Variants in MPV17 observed in about 807,000 individuals in gnomAD.
MPV17 encodes the protein mitochondrial inner membrane protein MPV17, also known as MPV17, mitochondrial inner membrane protein.
In MPV17, 31 loss-of-function variants were observed where a neutral mutation model predicts 28.6. The ratio of observed to expected loss-of-function variants is 1.08; its 90% CI spans 0.81 to 1.46. MPV17 has a LOEUF of 1.46. Among genes scored for constraint, MPV17 ranks in the 40% most tolerant of loss-of-function variants. The pLI is 0.00. For missense variants in MPV17, 198 were observed against 216.2 expected (o/e 0.92, Z 0.53); for synonymous variants, 87 against 85.3 (o/e 1.02, Z -0.11).
In MPV17 at chr2:27,309,616, G is replaced by A; in HGVS notation, c.*296C>T. The A allele has an allele frequency of 1.7e-6, 1 of 590,970 alleles. No homozygotes were observed. The highest frequency in any genetic ancestry group is 2.0e-5 in the South Asian group (1 of 49,662). The allele number at this position is 590,970 out of a possible 1,614,324, so 36.6% of individuals were successfully genotyped here. A position where few individuals can be genotyped will look rare whatever the true frequency, so the allele number is the denominator to read the frequency against. On this transcript the variant is annotated 3_prime_UTR_variant, in exon 8 of 8. Coordinates refer to ENST00000380044, the MANE Select transcript of MPV17 (RefSeq NM_002437.5). ...AGAGTAACAAATGTGTCTATGAAGAGTGGGGATGAGTGGCATTTGCTGGGA... is the reference window on the plus strand; with the variant it reads ...AGAGTAACAAATGTGTCTATGAAGAATGGGGATGAGTGGCATTTGCTGGGA...
chr2:27,322,692 C>T (rs1679903666), intron 1 of MPV17, 170 bp from the exon 2 acceptor site: 2 of 627,694 alleles, frequency 3.2e-6, no homozygotes, highest in African/African-American at 1.8e-5. Context: ...TCGCAGGAGT[C>T]GCCTTAGACA....
intron 2 of MPV17, among the ~76,000 whole-genome samples, chr2:27,319,010 C>A (rs1679759790): frequency 1.3e-5 from 2 of 152,132 alleles, no homozygotes; most frequent in Non-Finnish European, 2.9e-5. Context: ...GGTGATCCGC[C>A]CACCTCAGCC....
chr2:27,312,955 T>C, intron 3 of MPV17, 39 bp downstream of exon 3: 1 of 1,607,546 alleles, frequency 6.2e-7, no homozygotes, highest in Non-Finnish European at 8.5e-7. Flanking sequence ...CTAAGACCAC[T>C]GTTGAGTCCA....
Position 27,312,549 on chromosome 2 carries a change from A to G in MPV17, c.320T>C (p.Leu107Pro). The change falls in exon 5 of 8, where the codon CTG becomes CCG. Residue 107 changes from leucine to proline, a missense_variant. Coordinates refer to ENST00000380044, the MANE Select transcript of MPV17 (RefSeq NM_002437.5). ...TGACAGTCCATTAAGTGCCCCTACC[A>G]GTGGGAGAAAGCAGCCTAGAAAACA... is the stretch of plus-strand genomic sequence containing the variant. ...APCFLGCFLP[L>P]VGALNGLSAQ... 6.2e-7 allele frequency: 1 copy of G among 1,614,176 alleles called. No homozygotes were observed. Among genetic ancestry groups the G allele is most frequent in the Non-Finnish European group, 8.5e-7 (1 of 1,179,994 alleles).
chr2:27,313,697 T>G (rs371276514), intron 2 of MPV17, among the ~76,000 whole-genome samples: 47 of 152,160 alleles, frequency 3.1e-4, no homozygotes, highest in African/African-American at 9.4e-4. Context: ...GGATCTCTAT[T>G]TGTAGAGAAC....
rs936299391 is a variant in MPV17 at position 27,322,497 on chromosome 2, G to A, written c.21C>T (p.Tyr7=). MALWRA[Y]QRALAAHPWK... is the part of the protein sequence containing the mutation. The stretch of plus-strand genomic sequence containing the variant: ...ACGGGTGAGCGGCCAGGGCCCGCTG[G>A]TATGCCCGCCAGAGTGCCATGCTTC... Residue 7 remains tyrosine (Y), a synonymous_variant, in exon 2 of 8, where the codon TAC becomes TAT. Coordinates refer to ENST00000380044, the MANE Select transcript of MPV17 (RefSeq NM_002437.5). The A allele has an allele frequency of 1.9e-6, 3 of 1,613,946 alleles. No homozygotes were observed. Among genetic ancestry groups the A allele is most frequent in the Admixed American group, 1.7e-5 (1 of 60,012 alleles).
Position 27,309,684 on chromosome 2 carries a change from T to C in MPV17, c.*228A>G. The C allele has an allele frequency of 3.2e-6, 2 of 623,686 alleles. No homozygotes were observed. The highest frequency in any genetic ancestry group is 5.8e-6 in the Non-Finnish European group (2 of 343,592). 38.6% of individuals were successfully genotyped at this position (623,686 alleles called of 1,614,324 possible). Reference sequence around the variant, plus strand: ...TAAGGTCATGAAGGTTCAACAGATATTTATGGAGTGCCTAGTATGTGGTGG... The same window carrying C: ...TAAGGTCATGAAGGTTCAACAGATACTTATGGAGTGCCTAGTATGTGGTGG... On this transcript the variant is annotated 3_prime_UTR_variant, in exon 8 of 8. Coordinates refer to ENST00000380044, the MANE Select transcript of MPV17 (RefSeq NM_002437.5).
At chr2:27,319,906 A>G (rs1679791667) in intron 2 of MPV17, among the ~76,000 whole-genome samples, 1 of 150,344 alleles carries the variant, frequency 6.7e-6, no homozygotes, top group Non-Finnish European at 1.5e-5. Flanking sequence ...AGCCTGGGTA[A>G]CAGGGTGACA....
intron 7 of MPV17, chr2:27,311,575 TCTAAC>T: frequency 6.5e-7 from 1 of 1,550,318 alleles, no homozygotes; most frequent in Non-Finnish European, 8.7e-7. Context: ...TACCTCTCTG[TCTAAC>T]CTAGGCTGCA....
chr2:27,309,544 C>T lies in MPV17; in HGVS notation c.*368G>A. 1 of 482,726 alleles carries T rather than the reference C, an allele frequency of 2.1e-6. No individual in the cohort carries two copies. The highest frequency in any genetic ancestry group is 3.7e-6 in the Non-Finnish European group (1 of 268,622). The allele number at this position is 482,726 out of a possible 1,614,324, so 29.9% of individuals were successfully genotyped here. A position where few individuals can be genotyped will look rare whatever the true frequency, so the allele number is the denominator to read the frequency against. On this transcript the variant is annotated 3_prime_UTR_variant, in exon 8 of 8. Transcript: ENST00000380044. ...TTACTGAGGCACCATATAAAGGGTT[C>T]CGGGAGTCTCTAAAGAGCTGGAGCT...
In MPV17 at chr2:27,312,871, G is replaced by A. The variant is rs2148216106; in HGVS notation, c.187-99C>T. 2.6e-6 allele frequency: 4 copies of A among 1,531,668 alleles called. No homozygotes were observed. The East Asian group carries it at 9.0e-5, about 34-fold the overall frequency. The allele number at this position is 1,531,668 out of a possible 1,614,324, so 94.9% of individuals were successfully genotyped here. A position where few individuals can be genotyped will look rare whatever the true frequency, so the allele number is the denominator to read the frequency against. On this transcript the variant is annotated intron_variant, in intron 3 of 7. Coordinates refer to ENST00000380044, the MANE Select transcript of MPV17 (RefSeq NM_002437.5). The stretch of plus-strand genomic sequence containing the variant: ...CCCAAGTATCAGAATAGGGGAAGTG[G>A]ACACTAAGAAAAAAGAGGGCGGCAG...
chr2:27,322,559 T>C (rs1679900242), intron 1 of MPV17, 37 bp from the exon 2 acceptor site: 3 of 1,571,494 alleles, frequency 1.9e-6, no homozygotes, highest in Non-Finnish European at 8.8e-7. Context: ...ACCCCCACCG[T>C]CCCTCTCCAC....
rs1037850256 is a variant in MPV17, at chr2:27,317,692, C to A, written c.71-4583G>T. 1.3e-5 allele frequency among the ~76,000 whole-genome samples: 2 copies of A among 152,198 alleles called. No homozygotes were observed. The highest frequency in any genetic ancestry group is 4.8e-5 in the African/African-American group (2 of 41,462). ...GAAACCAGTATTTGTAAGAGCTCAG[C>A]TGCTCCCACAGCAGGACCGAGTAGA... On this transcript the variant is annotated intron_variant, in intron 2 of 7. Transcript: ENST00000380044. The surrounding 1 kb of genome is among the most constrained non-coding windows in gnomAD (Gnocchi z 4.0).
At chr2:27,320,773 A>G (rs1345512423) in intron 2 of MPV17, among the ~76,000 whole-genome samples, 1 of 152,240 alleles carries the variant, frequency 6.6e-6, no homozygotes, top group African/African-American at 2.4e-5. Context: ...ACTGTTTTCC[A>G]GTGTGATGAG....
rs1245257014 is a variant in MPV17 at position 27,317,923 on chromosome 2, C to T, written c.70+4525G>A. 6.6e-6 allele frequency among the ~76,000 whole-genome samples: 1 copy of T among 152,246 alleles called. No individual in the cohort carries two copies. The highest frequency in any genetic ancestry group is 1.5e-5 in the Non-Finnish European group (1 of 68,046). ...AATGTTCTTGATTCACTATCTCTTA[C>T]TCCAGCCATTACTGCAGTTCTACTG... On this transcript the variant is annotated intron_variant, in intron 2 of 7. Coordinates refer to ENST00000380044, the MANE Select transcript of MPV17 (RefSeq NM_002437.5). This position sits in a 1 kb window ranked among gnomAD's most constrained non-coding sequence, Gnocchi z 4.0.
rs775195889 is a variant in MPV17 at position 27,322,535 on chromosome 2, G to A, written c.-5-13C>T. On this transcript the variant is annotated splice_polypyrimidine_tract_variant and intron_variant, in intron 1 of 7. Transcript: ENST00000380044. ...AGTGCCATGCTTCCTGTCAAGCCAA[G>A]AGGAGAGGGGGTCACCCCCACCGTC... 2 of 1,612,352 alleles carry A rather than the reference G, an allele frequency of 1.2e-6. No individual in the cohort carries two copies. The highest frequency in any genetic ancestry group is 1.7e-6 in the Non-Finnish European group (2 of 1,178,798).
chr2:27,318,915 C>A (rs547905755), intron 2 of MPV17, among the ~76,000 whole-genome samples: 2 of 151,928 alleles, frequency 1.3e-5, no homozygotes, highest in East Asian at 3.9e-4. Flanking sequence ...CAGGCACCCG[C>A]CACCATGCCC....
At position 27,311,932 on chromosome 2, in the gene MPV17, A is replaced by G; in HGVS notation, c.428T>C (p.Leu143Ser). 1 of 1,613,808 alleles carries G rather than the reference A, an allele frequency of 6.2e-7. No homozygotes were observed. Among genetic ancestry groups the G allele is most frequent in the Non-Finnish European group, 8.5e-7 (1 of 1,180,002 alleles). ...TNYYLWPAVQ[L>S]ANFYLVPLHY... The stretch of plus-strand genomic sequence containing the variant: ...AAGGGGGACCAGGTAGAAGTTGGCT[A>G]ACTGCACAGCAGGCCATAGCTGCAA... Residue 143 changes from leucine (L) to serine (S), a missense_variant, in exon 7 of 8, where the codon TTA becomes TCA. Physicochemically the swap from Leu to Ser is moderately radical, Grantham distance 145 (BLOSUM62 -2). Coordinates refer to ENST00000380044, the MANE Select transcript of MPV17 (RefSeq NM_002437.5).
chr2:27,313,788 C>T (rs986785650), intron 2 of MPV17, among the ~76,000 whole-genome samples: 19 of 152,194 alleles, frequency 1.2e-4, no homozygotes, highest in African/African-American at 3.6e-4. Context: ...TCTTGGCTCA[C>T]TGCAACCTCT....
Sources: allele counts gnomAD v4.1 joint callset (sites outside exome capture counted in the v4.1 genomes callset), GRCh38; gene constraint gnomAD v4.1.1; non-coding constraint Gnocchi (gnomAD v3.1); transcripts MANE v1.5; gene names NCBI Gene and HGNC (gene_info 2026-07-23, HGNC 2026-07-21).